Variants in NAV2 observed in about 807,000 individuals in gnomAD.
The protein encoded by NAV2 is neuron navigator 2.
Under a neutral mutation model 223.2 loss-of-function variants are expected in NAV2, and 54 were observed. The observed-to-expected ratio is 0.24, with a 90% confidence interval of 0.19 to 0.30. NAV2 has a LOEUF of 0.30. Among genes scored for constraint, NAV2 ranks in the 10% least tolerant of loss-of-function variants. The pLI is 1.00. For missense variants in NAV2, 2,806 were observed against 3,147.5 expected (o/e 0.89, Z 2.60); for synonymous variants, 1,279 against 1,239.3 (o/e 1.03, Z -0.67).
chr11:19,894,921 G>C (rs950822547), intron 6 of NAV2, among the ~76,000 whole-genome samples: 10 of 151,936 alleles, frequency 6.6e-5, no homozygotes, highest in Non-Finnish European at 1.3e-4. Context: ...GTAGAGACGG[G>C]GTTTCACCAT....
intron 1 of NAV2, among the ~76,000 whole-genome samples, chr11:19,727,652 A>T (rs556268693): frequency 6.6e-6 from 1 of 152,356 alleles, no homozygotes; most frequent in South Asian, 2.1e-4. Context: ...GAGCAGAATA[A>T]CTGAGCTCCT....
intron 1 of NAV2, among the ~76,000 whole-genome samples, chr11:19,697,426 T>C (rs1270119222): frequency 6.6e-6 from 1 of 151,530 alleles, no homozygotes. Context: ...CTTTAATCTA[T>C]AATAAAATTT....
intron 26 of NAV2, among the ~76,000 whole-genome samples, chr11:20,089,837 G>A (rs2060709506): frequency 6.6e-6 from 1 of 152,184 alleles, no homozygotes; most frequent in African/African-American, 2.4e-5. Context: ...TAACTAAGGA[G>A]CCTAAGCTAG....
intron 1 of NAV2, among the ~76,000 whole-genome samples, chr11:19,671,860 C>A (rs550800159): frequency 1.1e-4 from 16 of 152,154 alleles, no homozygotes; most frequent in African/African-American, 3.9e-4. Context: ...GGTAAACAAA[C>A]CTTTAGGAGC....
intron 1 of NAV2, among the ~76,000 whole-genome samples, chr11:19,590,008 T>C (rs918113795): frequency 7.2e-5 from 11 of 152,154 alleles, no homozygotes; most frequent in African/African-American, 2.2e-4. Context: ...TCTTGTGTAG[T>C]GGTGAATTGT....
intron 1 of NAV2, among the ~76,000 whole-genome samples, chr11:19,500,620 A>G (rs934523245): frequency 6.6e-6 from 1 of 152,222 alleles, no homozygotes; most frequent in East Asian, 1.9e-4. Context: ...GAACTAGAAA[A>G]TTCCAGCCAT....
chr11:20,048,147 C>T (rs1455040766), intron 14 of NAV2, among the ~76,000 whole-genome samples: 1 of 152,182 alleles, frequency 6.6e-6, no homozygotes, highest in Non-Finnish European at 1.5e-5. Context: ...TAAGTAAGCT[C>T]TCTGGCTTCA....
chr11:19,559,630 G>A (rs891584040), intron 1 of NAV2, among the ~76,000 whole-genome samples: 7 of 152,080 alleles, frequency 4.6e-5, no homozygotes, highest in South Asian at 4.2e-4. Context: ...TGGCAGGAGG[G>A]GTCACATGCT....
chr11:19,682,987 A>T (rs11025214), intron 1 of NAV2, among the ~76,000 whole-genome samples: 1 of 152,174 alleles, frequency 6.6e-6, no homozygotes, highest in Non-Finnish European at 1.5e-5. Context: ...AGGATGAGGG[A>T]GGACTAGATT....
chr11:20,058,481 G>T (rs762826478), intron 19 of NAV2, among the ~76,000 whole-genome samples: 20 of 152,170 alleles, frequency 1.3e-4, no homozygotes, highest in Non-Finnish European at 2.1e-4. Flanking sequence ...TTAAGGGGAT[G>T]CTTGAAGCAT....
intron 1 of NAV2, among the ~76,000 whole-genome samples, chr11:19,690,768 G>A (rs1363798662): frequency 6.6e-6 from 1 of 152,204 alleles, no homozygotes; most frequent in Non-Finnish European, 1.5e-5. Flanking sequence ...AGCTCCTGCA[G>A]GAACTTTGAA....
chr11:19,639,563 C>T (rs2047601968), intron 1 of NAV2, among the ~76,000 whole-genome samples: 1 of 152,180 alleles, frequency 6.6e-6, no homozygotes, highest in African/African-American at 2.4e-5. Flanking sequence ...AGGACACTTT[C>T]CATAGCTGTA....
intron 1 of NAV2, among the ~76,000 whole-genome samples, chr11:19,486,315 G>A (rs546280436): frequency 2.0e-5 from 3 of 152,194 alleles, no homozygotes; most frequent in African/African-American, 4.8e-5. Context: ...GGCCTTCCTC[G>A]TCATTTTTTC....
intron 1 of NAV2, among the ~76,000 whole-genome samples, chr11:19,429,014 C>T (rs1339355762): frequency 1.3e-5 from 2 of 152,190 alleles, no homozygotes; most frequent in African/African-American, 4.8e-5. Context: ...AGAGAGGTCA[C>T]CTGGGGAGAA....
At chr11:19,780,950 C>T (rs1019774544) in intron 1 of NAV2, among the ~76,000 whole-genome samples, 11 of 152,282 alleles carry the variant, frequency 7.2e-5, no homozygotes, top group Middle Eastern at 3.4e-3. Context: ...GTACAAAGCT[C>T]ATATGTTACA....
At chr11:19,628,278 C>G (rs2047231440) in intron 1 of NAV2, among the ~76,000 whole-genome samples, 1 of 152,194 alleles carries the variant, frequency 6.6e-6, no homozygotes, top group African/African-American at 2.4e-5. Context: ...GAGAATGTTC[C>G]TGGGTGAGGA....
At chr11:19,693,273 C>G (rs1047748856) in intron 1 of NAV2, among the ~76,000 whole-genome samples, 4 of 152,212 alleles carry the variant, frequency 2.6e-5, no homozygotes, top group Admixed American at 6.5e-5. Flanking sequence ...AGTGAGATAG[C>G]CGATGGCTTG....
intron 11 of NAV2, among the ~76,000 whole-genome samples, chr11:20,002,504 T>A (rs919727590): frequency 6.6e-6 from 1 of 152,118 alleles, no homozygotes; most frequent in East Asian, 1.9e-4. Context: ...AAGGAAGGCT[T>A]CCTGGAGGTG....
chr11:19,349,495 G>C (rs1590027956), upstream of NAV2, among the ~76,000 whole-genome samples: 1 of 152,172 alleles, frequency 6.6e-6, no homozygotes, highest in South Asian at 2.1e-4. Flanking sequence ...GGGTCTGTGG[G>C]TTTCTGTCTA....
Sources: gnomAD v4.1 joint callset for allele counts (sites outside exome capture counted in the v4.1 genomes callset) on GRCh38, gnomAD v4.1.1 for gene constraint, MANE v1.5 for transcripts, NCBI Gene and HGNC (gene_info 2026-07-23, HGNC 2026-07-21) for gene names.